The following ITPR1 variants were observed in gnomAD, a reference collection of about 807,000 sequenced individuals.
ITPR1 encodes the protein inositol 1,4,5-trisphosphate receptor type 1, also known as inositol 1,4,5-trisphosphate-gated calcium channel ITPR1.
Under a neutral mutation model 318.4 loss-of-function variants are expected in ITPR1, and 96 were observed. The ratio of observed to expected loss-of-function variants is 0.30; its 90% CI spans 0.26 to 0.36. The LOEUF (loss-of-function observed/expected upper bound fraction) is 0.36, where lower values mean the gene tolerates loss of function less well. Ranked by LOEUF, ITPR1 falls within the 10% of genes least tolerant of loss-of-function variation. ITPR1 has a pLI of 1.00. For synonymous variants in ITPR1, 1,312 were observed against 1,289.9 expected (o/e 1.02, Z -0.37); for missense variants, 2,440 against 3,460.2 (o/e 0.71, Z 7.40).
rs114077304 is a variant in ITPR1, at chr3:4,600,624, G to A, written c.164-27139G>A. On this transcript the variant is annotated intron_variant, in intron 4 of 61. Coordinates refer to ENST00000649015, the MANE Select transcript of ITPR1 (RefSeq NM_001378452.1). ...ATATGTGAATGTTTGTGTCTTCTAC[G>A]TAAAATGATAGTCCGTGGACTGTTT... Among the ~76,000 whole-genome samples the A allele has an allele frequency of 7.7e-3, 1,166 of 152,228 alleles. 15 individuals carry two copies. Among genetic ancestry groups the A allele is most frequent in the African/African-American group, 0.025 (1,049 of 41,548 alleles).
chr3:4,680,725 A>C, intron 25 of ITPR1, 34 bp downstream of exon 25: 2 of 1,579,462 alleles, frequency 1.3e-6, no homozygotes, highest in South Asian at 2.3e-5. Flanking sequence ...CAGCCATAGA[A>C]TGGGACCTGG....
rs376396130 is a variant in ITPR1, at chr3:4,785,212, C to T, written c.6615+1292C>T. 5.3e-5 allele frequency among the ~76,000 whole-genome samples: 8 copies of T among 152,336 alleles called. No homozygotes were observed. The East Asian group carries it at 1.5e-3, about 29-fold the overall frequency. On this transcript the variant is annotated intron_variant, in intron 51 of 61. Coordinates refer to ENST00000649015, the MANE Select transcript of ITPR1 (RefSeq NM_001378452.1). ...AATAAGGCTCAGAGAGACTGTGTCA[C>T]TTTTCCAGCCACCAGTGGCAGAGCT...
intron 4 of ITPR1, among the ~76,000 whole-genome samples, chr3:4,563,792 A>T (rs377410813): frequency 5.3e-5 from 8 of 152,220 alleles, no homozygotes; most frequent in African/African-American, 1.9e-4. Context: ...TGGTGGGTTC[A>T]TGGTTGTTTA....
chr3:4,640,251 C>G (rs2093306894), intron 6 of ITPR1, among the ~76,000 whole-genome samples: 1 of 152,200 alleles, frequency 6.6e-6, no homozygotes, highest in South Asian at 2.1e-4. Flanking sequence ...AGTCCTTCCC[C>G]TTTCTCTTGC....
intron 44 of ITPR1, among the ~76,000 whole-genome samples, chr3:4,746,301 C>G (rs1432015232): frequency 6.6e-6 from 1 of 152,178 alleles, no homozygotes; most frequent in African/African-American, 2.4e-5. Flanking sequence ...GAGTATGGAG[C>G]CCATGGCCAC....
chr3:4,565,687 C>T (rs1049299579), intron 4 of ITPR1, among the ~76,000 whole-genome samples: 4 of 152,112 alleles, frequency 2.6e-5, no homozygotes, highest in Non-Finnish European at 5.9e-5. Context: ...TACTAATTCT[C>T]TTTTGAACTA....
intron 51 of ITPR1, among the ~76,000 whole-genome samples, chr3:4,784,840 T>C (rs2047078982): frequency 6.6e-6 from 1 of 151,016 alleles, no homozygotes; most frequent in Admixed American, 6.6e-5. Flanking sequence ...GGGATTGCAG[T>C]GGGCCAAGAT....
At chr3:4,794,421 G>C (rs2047763312) in intron 52 of ITPR1, among the ~76,000 whole-genome samples, 1 of 152,212 alleles carries the variant, frequency 6.6e-6, no homozygotes, top group African/African-American at 2.4e-5. Context: ...CACGAGGTCA[G>C]CAACTTGTAC....
chr3:4,513,437 A>G (rs899135246), intron 2 of ITPR1, among the ~76,000 whole-genome samples: 108 of 152,178 alleles, frequency 7.1e-4, no homozygotes, highest in African/African-American at 2.4e-3. Context: ...CCCCTGGGGA[A>G]GGATCTGTCC....
intron 60 of ITPR1, among the ~76,000 whole-genome samples, chr3:4,834,821 T>C (rs541010149): frequency 1.1e-3 from 171 of 152,288 alleles, no homozygotes; most frequent in Non-Finnish European, 2.0e-3. Context: ...CTTTTGCCCA[T>C]TGCTCTGTGG....
rs1474673926 is a variant in ITPR1, at chr3:4,710,343, G to A, written c.4861G>A (p.Glu1621Lys). 6.4e-7 allele frequency: 1 copy of A among 1,565,546 alleles called. No homozygotes were observed. The highest frequency in any genetic ancestry group is 1.2e-5 in the South Asian group (1 of 85,092). Reference sequence around the variant, plus strand: ...GTTTTAGGACATCGTCTCCGCGCTGGAGGACCGTCTCAGGCCCCTGGTGCA... The same window carrying A: ...GTTTTAGGACATCGTCTCCGCGCTGAAGGACCGTCTCAGGCCCCTGGTGCA... ...ERLQDIVSAL[E>K]DRLRPLVQAE... Residue 1621 changes from glutamate (E) to lysine (K), a missense_variant, in exon 38 of 62, where the codon GAG (glutamate) becomes AAG (lysine). Glu to Lys is a moderately conservative substitution (Grantham distance 56). This residue lies in a region of ITPR1 where 166 missense variants were observed against 246.5 expected (regional missense o/e 0.67). Transcript: ENST00000649015. This position sits in a 1 kb window ranked among gnomAD's most constrained non-coding sequence, Gnocchi z 4.2.
chr3:4,677,370 C>T (rs1011344305), intron 24 of ITPR1, among the ~76,000 whole-genome samples: 12 of 152,260 alleles, frequency 7.9e-5, no homozygotes, highest in South Asian at 6.2e-4. Context: ...AAAGGAGGGT[C>T]AGGATTGTTT....
At chr3:4,541,675 G>T (rs1371992211) in intron 4 of ITPR1, among the ~76,000 whole-genome samples, 1 of 151,928 alleles carries the variant, frequency 6.6e-6, no homozygotes, top group African/African-American at 2.4e-5. Flanking sequence ...TGCCAGGCTG[G>T]AGTGCAGTGG....
rs2094337722 is a variant in ITPR1 at position 4,683,542 on chromosome 3, C to G, written c.3318C>G (p.Ala1106=). The change falls in exon 27 of 62, where the codon GCC becomes GCG. Residue 1106 remains alanine, a synonymous_variant. Coordinates refer to ENST00000649015, the MANE Select transcript of ITPR1 (RefSeq NM_001378452.1). ...HFSQRQEVLQ[A]FKQVQLLVTS... Reference sequence around the variant, plus strand: ...GCCAGAGGCAGGAGGTGCTCCAGGCCTTCAAACAGGTAGCTCAGGTCACCC... The same window carrying G: ...GCCAGAGGCAGGAGGTGCTCCAGGCGTTCAAACAGGTAGCTCAGGTCACCC... The G allele has an allele frequency of 1.2e-6, 2 of 1,613,816 alleles. No individual in the cohort carries two copies. Among genetic ancestry groups the G allele is most frequent in the Non-Finnish European group, 1.7e-6 (2 of 1,179,676 alleles).
chr3:4,529,174 GA>G (rs2083218098), intron 4 of ITPR1, among the ~76,000 whole-genome samples: 3 of 152,222 alleles, frequency 2.0e-5, no homozygotes, highest in Admixed American at 1.3e-4. Context: ...TTGCATACCT[GA>G]GTCACCCTGG....
intron 53 of ITPR1, among the ~76,000 whole-genome samples, chr3:4,795,864 A>T (rs1224429743): frequency 2.0e-5 from 3 of 152,200 alleles, no homozygotes; most frequent in African/African-American, 7.2e-5. Context: ...GGGCCCCTCG[A>T]CAAGCATTCA....
chr3:4,780,093 T>G (rs2046730959), intron 49 of ITPR1, among the ~76,000 whole-genome samples: 1 of 152,028 alleles, frequency 6.6e-6, no homozygotes, highest in African/African-American at 2.4e-5. Context: ...TAGACTTCTC[T>G]GAGCTGCACT....
chr3:4,784,054 G>T, intron 51 of ITPR1, 134 bp downstream of exon 51: 1 of 630,018 alleles, frequency 1.6e-6, no homozygotes. Context: ...TAGGTCCTGG[G>T]CTGGGTGCTG....
chr3:4,720,347 C>T (rs549593506), intron 40 of ITPR1, among the ~76,000 whole-genome samples: 1 of 152,188 alleles, frequency 6.6e-6, no homozygotes, highest in Non-Finnish European at 1.5e-5. Context: ...CAGGTAGCGG[C>T]TTAGGAGATC....
Sources: allele counts gnomAD v4.1 joint callset (sites outside exome capture counted in the v4.1 genomes callset), GRCh38; gene constraint gnomAD v4.1.1; regional missense constraint gnomAD v4.1.1; non-coding constraint Gnocchi (gnomAD v3.1); transcripts MANE v1.5; gene names NCBI Gene and HGNC (gene_info 2026-07-23, HGNC 2026-07-21).